AP2A1: variants seen among roughly 807,000 people sequenced by gnomAD.
AP2A1 encodes AP-2 complex subunit alpha-1.
Under a neutral mutation model 107.3 loss-of-function variants are expected in AP2A1, and 21 were observed. That is an observed-to-expected ratio of 0.20 (90% CI 0.14 to 0.28). The LOEUF is 0.28. Ranked by LOEUF, AP2A1 falls within the 10% of genes least tolerant of loss-of-function variation. The probability of loss-of-function intolerance (pLI) is 1.00; values close to 1 mark genes in which losing one functional copy is unlikely to be tolerated. For synonymous variants in AP2A1, 602 were observed against 564.8 expected, an observed-to-expected ratio of 1.07 and a Z score of -0.93; for missense variants, 873 against 1,307.7, an observed-to-expected ratio of 0.67 and a Z score of 5.13.
chr19:49,779,640 G>A (rs4802622), intron 1 of AP2A1, among the ~76,000 whole-genome samples: 18,384 of 152,038 alleles, frequency 0.12, 1,172 homozygotes, highest in East Asian at 0.19. Flanking sequence ...AGTTCTCACT[G>A]TGTTGTCCAG....
chr19:49,795,998 T>G, intron 7 of AP2A1: 1 of 491,070 alleles, frequency 2.0e-6, no homozygotes, highest in Non-Finnish European at 3.7e-6. Context: ...TCCAGCCCTG[T>G]TGCGAGGGAC....
intron 4 of AP2A1, among the ~76,000 whole-genome samples, chr19:49,783,696 A>G (rs2123697864): frequency 6.6e-6 from 1 of 152,344 alleles, no homozygotes; most frequent in African/African-American, 2.4e-5. Context: ...CTTAGAAGGC[A>G]TTTGCTGAAC....
chr19:49,774,689 G>A (rs1169489860), intron 1 of AP2A1, among the ~76,000 whole-genome samples: 1 of 152,042 alleles, frequency 6.6e-6, no homozygotes, highest in African/African-American at 2.4e-5. Flanking sequence ...TTGGGAGGCC[G>A]AGGCAGGCGG....
At chr19:49,791,900 C>T (rs2073147324) in intron 4 of AP2A1, 35 bp from the exon 5 acceptor site, 1 of 1,573,654 alleles carries the variant, frequency 6.4e-7, no homozygotes, top group South Asian at 1.1e-5. Context: ...GGGTCACTGA[C>T]TCTGCTTCCC....
chr19:49,801,128 AG>A, intron 12 of AP2A1, 70 bp downstream of exon 12: 1 of 1,413,224 alleles, frequency 7.1e-7, no homozygotes, highest in South Asian at 1.3e-5. Context: ...GGGGATCCCC[AG>A]GGGTCTCAGG....
At chr19:49,772,252 T>TGTTTTGTTTTG (rs1568572993) in intron 1 of AP2A1, among the ~76,000 whole-genome samples, 1 of 112,972 alleles carries the variant, frequency 8.9e-6, no homozygotes, top group African/African-American at 3.4e-5. Context: ...TAGAGTTTTT[T>TGTTTTGTTTTG]TTTTTTTTTT....
In AP2A1 at chr19:49,782,088, T is replaced by C; in HGVS notation, c.278T>C (p.Ile93Thr). ...LSSNKYTEKQ[I>T]GYLFISVLVN... ...TCCAATAAATACACAGAGAAGCAAA[T>C]AGTGAGTCTGGAGAGGGGGGTGCCA... Residue 93 changes from isoleucine (I) to threonine (T), a missense_variant and splice_region_variant, in exon 3 of 23, where the codon ATA becomes ACA. Physicochemically the swap from Ile to Thr is moderately conservative, Grantham distance 89. Coordinates refer to ENST00000354293, the MANE Select transcript of AP2A1 (RefSeq NM_130787.3). The C allele has an allele frequency of 6.6e-7, 1 of 1,526,302 alleles. No individual in the cohort carries two copies. The highest frequency in any genetic ancestry group is 2.6e-5 in the East Asian group (1 of 38,988). 94.5% of individuals were successfully genotyped at this position (1,526,302 alleles called of 1,614,324 possible).
At position 49,795,710 on chromosome 19, in the gene AP2A1, G is replaced by A; in HGVS notation, c.786G>A (p.Leu262=). 2 of 1,561,422 alleles carry A rather than the reference G, an allele frequency of 1.3e-6. No homozygotes were observed. The highest frequency in any genetic ancestry group is 1.7e-6 in the Non-Finnish European group (2 of 1,153,942). ...CACCCTGGCTCTCGGTGAAGCTCCT[G>A]CGGCTGCTGCAGTGCTACCCGCCTC... ...VPAPWLSVKL[L]RLLQCYPPPE... Residue 262 remains leucine (L), a synonymous_variant, in exon 7 of 23, where the codon CTG becomes CTA. Transcript: ENST00000354293.
In AP2A1 at chr19:49,805,641, C is replaced by T. The variant is rs2073362351; in HGVS notation, c.2469-20C>T. 3.2e-6 allele frequency: 5 copies of T among 1,554,008 alleles called. No individual in the cohort carries two copies. The highest frequency in any genetic ancestry group is 3.5e-6 in the Non-Finnish European group (4 of 1,149,050). On this transcript the variant is annotated intron_variant, in intron 19 of 22. Coordinates refer to ENST00000354293, the MANE Select transcript of AP2A1 (RefSeq NM_130787.3). ...GGGTGAGGGGCGGGGCCTAATGGAG[C>T]CTCCCTTTCACCTCATCAGGTACGG...
rs1227869911 is a variant in AP2A1, at chr19:49,786,831, CAT to C, written c.473+4108_473+4109del. On this transcript the variant is annotated intron_variant, in intron 4 of 22. Coordinates refer to ENST00000354293, the MANE Select transcript of AP2A1 (RefSeq NM_130787.3). ...CTGAGAGGGAGGCCACCGTGGCCAA[CAT>C]GTGTGGGTGCAGATGACATTGTCCC... Among the ~76,000 whole-genome samples, 8 of 152,238 alleles carry C rather than the reference CAT, an allele frequency of 5.3e-5. No homozygotes were observed. The East Asian group carries it at 7.7e-4, about 15-fold the overall frequency.
chr19:49,803,432 G>A (rs2073318425), intron 18 of AP2A1, 56 bp downstream of exon 18: 2 of 1,476,726 alleles, frequency 1.4e-6, no homozygotes, highest in Non-Finnish European at 9.5e-7. Context: ...CTTCCTCACC[G>A]TGGGGAAGCC....
Position 49,802,934 on chromosome 19 carries a change from GCTCCATGC to G in AP2A1, c.2115-9_2115-2del. On this transcript the variant is annotated splice_region_variant and splice_polypyrimidine_tract_variant and intron_variant, in intron 15 of 22. Transcript: ENST00000354293. ...ACCAAGTTCCTTCCCATCTCACTCTGCTCCATGCCTCCAGCCCAGGTCCTGAGGACATC... is the reference window on the plus strand; with the variant it reads ...ACCAAGTTCCTTCCCATCTCACTCTGCTCCAGCCCAGGTCCTGAGGACATC... 1 of 1,611,392 alleles carries G rather than the reference GCTCCATGC, an allele frequency of 6.2e-7. No homozygotes were observed. The highest frequency in any genetic ancestry group is 1.1e-5 in the South Asian group (1 of 90,620).
At position 49,801,382 on chromosome 19, in the gene AP2A1, G is replaced by A; in HGVS notation, c.1554-8G>A. Reference sequence around the variant, plus strand: ...CCTGGCCCCGCTGACACCCACTCCTGCACACAGCCCCCCAGTGCAGTTCTC... The same window carrying A: ...CCTGGCCCCGCTGACACCCACTCCTACACACAGCCCCCCAGTGCAGTTCTC... On this transcript the variant is annotated splice_region_variant and splice_polypyrimidine_tract_variant and intron_variant, in intron 12 of 22. Coordinates refer to ENST00000354293, the MANE Select transcript of AP2A1 (RefSeq NM_130787.3). The A allele has an allele frequency of 1.2e-6, 2 of 1,611,730 alleles. No homozygotes were observed. Among genetic ancestry groups the A allele is most frequent in the Admixed American group, 1.7e-5 (1 of 60,010 alleles).
At chr19:49,790,893 G>A (rs7251251) in intron 4 of AP2A1, among the ~76,000 whole-genome samples, 45,502 of 152,186 alleles carry the variant, frequency 0.3, 7,405 homozygotes, top group African/African-American at 0.43. Flanking sequence ...GAAGGGGTCC[G>A]GGGGCAGCTG....
In AP2A1 at chr19:49,769,706, G is replaced by A. The variant is rs188299422; in HGVS notation, c.67+2506G>A. On this transcript the variant is annotated intron_variant, in intron 1 of 22. Transcript: ENST00000354293. The stretch of plus-strand genomic sequence containing the variant: ...GCATGAGAATATTTTGAGCAGGGGA[G>A]GGATGTGACCGATTGATGTTTTAAG... 2.6e-5 allele frequency among the ~76,000 whole-genome samples: 4 copies of A among 152,250 alleles called. No individual in the cohort carries two copies. In the East Asian group the frequency reaches 7.7e-4, roughly 29 times the overall value.
intron 21 of AP2A1, 36 bp from the exon 22 acceptor site, chr19:49,806,083 T>C (rs994773447): frequency 1.3e-6 from 2 of 1,583,940 alleles, no homozygotes; most frequent in Non-Finnish European, 1.7e-6. Context: ...AACTAACAGC[T>C]CTGGCACACT....
In AP2A1 at chr19:49,801,796, G is replaced by A; in HGVS notation, c.1860G>A (p.Lys620=). Residue 620 remains lysine, a synonymous_variant, in exon 14 of 23, where the codon AAG becomes AAA. Transcript: ENST00000354293. ...TCCTGGCCAAGCTGAAACGCAAGAA[G>A]GGGCCAGGGGCCGGCAGCGCCCTGG... ...SSILAKLKRK[K]GPGAGSALDD... 6.4e-7 allele frequency: 1 copy of A among 1,560,374 alleles called. No individual in the cohort carries two copies. Among genetic ancestry groups the A allele is most frequent in the Non-Finnish European group, 8.6e-7 (1 of 1,156,144 alleles).
intron 4 of AP2A1, among the ~76,000 whole-genome samples, chr19:49,783,346 C>T (rs2123696989): frequency 6.6e-6 from 1 of 152,212 alleles, no homozygotes; most frequent in East Asian, 1.9e-4. Context: ...CAAAAATTGC[C>T]AGGGCATGGT....
intron 7 of AP2A1, chr19:49,796,696 G>A (rs530506496): frequency 5.2e-5 from 8 of 152,522 alleles, no homozygotes; most frequent in African/African-American, 1.7e-4. Flanking sequence ...GCATCTGTAT[G>A]TATGCGTGTC....
Sources: allele counts gnomAD v4.1 joint callset (sites outside exome capture counted in the v4.1 genomes callset), GRCh38; gene constraint gnomAD v4.1.1; transcripts MANE v1.5; gene names NCBI Gene and HGNC (gene_info 2026-07-23, HGNC 2026-07-21).